RALYL: variants seen among roughly 807,000 people sequenced by gnomAD.
RALYL encodes RALY RNA binding protein like, also known as RNA-binding Raly-like protein.
Under a neutral mutation model 35.1 loss-of-function variants are expected in RALYL, and 29 were observed. The ratio of observed to expected loss-of-function variants is 0.83; its 90% CI spans 0.61 to 1.13. The LOEUF (loss-of-function observed/expected upper bound fraction) is 1.13. Ranked by LOEUF, RALYL falls within the 50% of genes most tolerant of loss-of-function variation. RALYL has a pLI of 0.00. For synonymous variants in RALYL, 120 were observed against 127.6 expected (o/e 0.94, Z 0.40); for missense variants, 359 against 360.4 (o/e 1.00, Z 0.03).
chr8:84,635,367 G>A (rs971606780), intron 2 of RALYL, among the ~76,000 whole-genome samples: 3 of 151,304 alleles, frequency 2.0e-5, no homozygotes, highest in African/African-American at 7.3e-5. Flanking sequence ...ACTATTTCCA[G>A]GTTCATCAGC....
chr8:84,428,096 TC>T (rs2046711064), intron 1 of RALYL, among the ~76,000 whole-genome samples: 1 of 134,610 alleles, frequency 7.4e-6, no homozygotes, highest in African/African-American at 2.8e-5. Flanking sequence ...TCTCTCTCTC[TC>T]TCTCTCTCTC....
rs561373482 is a variant in RALYL, at chr8:84,680,096, C to A, written c.257-94483C>A. On this transcript the variant is annotated intron_variant, in intron 2 of 8. Coordinates refer to ENST00000521268, the MANE Select transcript of RALYL (RefSeq NM_173848.7). ...ATTCCCACCTATGAGTGAGAACATG[C>A]GGTGTTTGGTTTTTTGTCCTTGCGA... 4.0e-5 allele frequency among the ~76,000 whole-genome samples: 6 copies of A among 151,780 alleles called. No individual in the cohort carries two copies. The South Asian group carries it at 6.2e-4, about 16-fold the overall frequency.
chr8:84,552,716 C>T (rs1207927816), intron 2 of RALYL, among the ~76,000 whole-genome samples: 4 of 146,978 alleles, frequency 2.7e-5, no homozygotes, highest in African/African-American at 7.5e-5. Context: ...AATTAGACCC[C>T]TTTTTTTTTT....
In RALYL at chr8:84,442,789, G is replaced by A. The variant is rs574726159; in HGVS notation, c.-23-86510G>A. On this transcript the variant is annotated intron_variant, in intron 1 of 8. Transcript: ENST00000521268. Reference sequence around the variant, plus strand: ...GAAAACAGGCCACAAAAGAACTCACGTGTCATGCTACAGACGTACCAATCT... The same window carrying A: ...GAAAACAGGCCACAAAAGAACTCACATGTCATGCTACAGACGTACCAATCT... Among the ~76,000 whole-genome samples the A allele has an allele frequency of 5.7e-4, 87 of 152,236 alleles. 1 individual carries two copies. Among genetic ancestry groups the A allele is most frequent in the Admixed American group, 1.6e-3 (24 of 15,270 alleles).
At chr8:84,525,205 A>G (rs1261360112) in intron 1 of RALYL, among the ~76,000 whole-genome samples, 1 of 151,986 alleles carries the variant, frequency 6.6e-6, no homozygotes, top group Admixed American at 6.6e-5. Flanking sequence ...TTTACAGTTT[A>G]TCTTTTATTT....
intron 1 of RALYL, among the ~76,000 whole-genome samples, chr8:84,217,260 T>C (rs1821050950): frequency 6.6e-6 from 1 of 152,088 alleles, no homozygotes; most frequent in Non-Finnish European, 1.5e-5. Context: ...GAGTTTAGTT[T>C]CTAGAAACTA....
At chr8:84,271,118 A>G (rs1042223121) in intron 1 of RALYL, among the ~76,000 whole-genome samples, 1 of 152,066 alleles carries the variant, frequency 6.6e-6, no homozygotes, top group Non-Finnish European at 1.5e-5. Flanking sequence ...AAAACAAGCT[A>G]GAGTGAAATG....
intron 1 of RALYL, among the ~76,000 whole-genome samples, chr8:84,366,646 G>A (rs995077457): frequency 1.3e-5 from 2 of 151,066 alleles, no homozygotes; most frequent in African/African-American, 4.9e-5. Flanking sequence ...GTGGTGGCTT[G>A]TGCAGGTAAT....
At chr8:84,835,849 ATT>A (rs1417703642) in intron 4 of RALYL, among the ~76,000 whole-genome samples, 1 of 147,340 alleles carries the variant, frequency 6.8e-6, no homozygotes, top group Admixed American at 6.8e-5. Context: ...GAGCAAGGAG[ATT>A]TTTTTTTTTT....
intron 1 of RALYL, among the ~76,000 whole-genome samples, chr8:84,325,013 G>GTCCA (rs1454600158): frequency 6.6e-6 from 1 of 152,010 alleles, no homozygotes; most frequent in East Asian, 1.9e-4. Context: ...CTTCATCCAT[G>GTCCA]TCCAGCCTTT....
At chr8:84,201,890 C>A (rs997155438) in intron 1 of RALYL, among the ~76,000 whole-genome samples, 6 of 152,084 alleles carry the variant, frequency 3.9e-5, no homozygotes, top group Admixed American at 3.3e-4. Flanking sequence ...GATACTATGT[C>A]TCTTTGTCCC....
At chr8:84,586,413 A>C (rs1043960702) in intron 2 of RALYL, among the ~76,000 whole-genome samples, 1 of 152,186 alleles carries the variant, frequency 6.6e-6, no homozygotes, top group African/African-American at 2.4e-5. Context: ...TTTCATTCCA[A>C]GTCTGCCAGG....
At chr8:84,471,043 A>C (rs1029904294) in intron 1 of RALYL, among the ~76,000 whole-genome samples, 2 of 152,162 alleles carry the variant, frequency 1.3e-5, no homozygotes, top group African/African-American at 4.8e-5. Context: ...TGTAACATTG[A>C]GCACTGCCTC....
At chr8:84,698,924 C>A (rs894899020) in intron 2 of RALYL, among the ~76,000 whole-genome samples, 8 of 152,108 alleles carry the variant, frequency 5.3e-5, no homozygotes, top group Non-Finnish European at 1.0e-4. Flanking sequence ...AGGAAGGACG[C>A]ATCCTGCAAA....
In RALYL at chr8:84,471,362, C is replaced by G. The variant is rs114686131; in HGVS notation, c.-23-57937C>G. ...CTTTGAGATGCCAAAGTGGGAGGAT[C>G]GCTTGAGGCCAGGAGTTCTAGACCA... On this transcript the variant is annotated intron_variant, in intron 1 of 8. Transcript: ENST00000521268. 4.0e-3 allele frequency among the ~76,000 whole-genome samples: 611 copies of G among 151,468 alleles called. 8 individuals are homozygous for G. The highest frequency in any genetic ancestry group is 0.014 in the African/African-American group (594 of 41,242).
rs1162977781 is a variant in RALYL, at chr8:84,226,462, AG to A, written c.-24+42039del. On this transcript the variant is annotated intron_variant, in intron 1 of 8. Coordinates refer to ENST00000521268, the MANE Select transcript of RALYL (RefSeq NM_173848.7). ...ACTCTTGTTGCCCAGGCTGGAGGGC[AG>A]TGGTGCAATCTCAGCTCATCGCAAC... Among the ~76,000 whole-genome samples, 4 of 152,218 alleles carry A rather than the reference AG, an allele frequency of 2.6e-5. 1 individual carries two copies. The highest frequency in any genetic ancestry group is 9.6e-5 in the African/African-American group (4 of 41,540).
At chr8:84,751,972 G>A (rs968750611) in intron 2 of RALYL, among the ~76,000 whole-genome samples, 2 of 152,180 alleles carry the variant, frequency 1.3e-5, no homozygotes, top group Non-Finnish European at 2.9e-5. Context: ...CTGAACATGT[G>A]GAAGCAGCTT....
intron 1 of RALYL, among the ~76,000 whole-genome samples, chr8:84,425,228 C>G (rs1438962265): frequency 6.6e-6 from 1 of 152,150 alleles, no homozygotes; most frequent in Non-Finnish European, 1.5e-5. Context: ...ACCCTCCGAG[C>G]CAGGTGTGGG....
At chr8:84,703,100 T>C (rs1840500009) in intron 2 of RALYL, among the ~76,000 whole-genome samples, 1 of 152,108 alleles carries the variant, frequency 6.6e-6, no homozygotes, top group Non-Finnish European at 1.5e-5. Context: ...CAGGTTCCAC[T>C]TTCACCAAGG....
Sources: gnomAD v4.1 joint callset for allele counts (sites outside exome capture counted in the v4.1 genomes callset) on GRCh38, gnomAD v4.1.1 for gene constraint, MANE v1.5 for transcripts, NCBI Gene and HGNC (gene_info 2026-07-23, HGNC 2026-07-21) for gene names.